NECTIN3: variants seen among roughly 807,000 people sequenced by gnomAD.
The protein encoded by NECTIN3 is nectin-3.
Under a neutral mutation model 49.4 loss-of-function variants are expected in NECTIN3, and 8 were observed. The observed-to-expected ratio is 0.16, with a 90% confidence interval of 0.10 to 0.29. The LOEUF is 0.29. NECTIN3 is among the 10% of genes least tolerant of loss of function. The pLI is 1.00. For missense variants in NECTIN3, 581 were observed against 654.6 expected (o/e 0.89, Z 1.23); for synonymous variants, 277 against 241.1 (o/e 1.15, Z -1.38).
rs182071409 is a variant in NECTIN3 at position 111,144,416 on chromosome 3, A to T, written c.1001-483A>T. On this transcript the variant is annotated intron_variant, in intron 5 of 8. Coordinates refer to the NECTIN3 transcript ENST00000493615. ...TATTTTTCAAATTTTACAGTGTCCA[A>T]TGTCAATTTTTTTTGATCTGGGATA... Among the ~76,000 whole-genome samples, 786 of 151,106 alleles carry T rather than the reference A, an allele frequency of 5.2e-3. 5 individuals carry two copies. The highest frequency in any genetic ancestry group is 0.011 in the Admixed American group (161 of 15,208).
At chr3:111,105,924 C>A (rs1048481731) in intron 1 of NECTIN3, among the ~76,000 whole-genome samples, 3 of 150,264 alleles carry the variant, frequency 2.0e-5, no homozygotes, top group African/African-American at 7.3e-5. Context: ...TCAAATCAAG[C>A]TTTTATTCTC....
At chr3:111,073,685 G>T (rs2030967043) in intron 1 of NECTIN3, among the ~76,000 whole-genome samples, 2 of 152,174 alleles carry the variant, frequency 1.3e-5, no homozygotes, top group South Asian at 4.1e-4. Flanking sequence ...AGTTGGAGGG[G>T]ACCTTACCAG....
At chr3:111,168,881 T>C (rs1381434201) in intron 7 of NECTIN3, among the ~76,000 whole-genome samples, 2 of 152,198 alleles carry the variant, frequency 1.3e-5, no homozygotes, top group African/African-American at 4.8e-5. Context: ...GATAGATCGT[T>C]AGATCTGCAT....
rs528314258 is a variant in NECTIN3, at chr3:111,093,238, C to T, written c.161-18792C>T. Among the ~76,000 whole-genome samples, 7 of 152,172 alleles carry T rather than the reference C, an allele frequency of 4.6e-5. No homozygotes were observed. The South Asian group carries it at 1.4e-3, about 32-fold the overall frequency. On this transcript the variant is annotated intron_variant, in intron 1 of 5. Coordinates refer to ENST00000485303, the MANE Select transcript of NECTIN3 (RefSeq NM_015480.3). Reference sequence around the variant, plus strand: ...TCTCCCAAGACAATGCAGCACTGTTCACATTAAAGGAGAAATACTTAAAGG... The same window carrying T: ...TCTCCCAAGACAATGCAGCACTGTTTACATTAAAGGAGAAATACTTAAAGG...
intron 5 of NECTIN3, among the ~76,000 whole-genome samples, chr3:111,132,184 C>T (rs1004074160): frequency 1.3e-5 from 2 of 151,828 alleles, no homozygotes; most frequent in South Asian, 2.1e-4. Context: ...TAAATTAAAA[C>T]TTCTTTGATT....
In NECTIN3 at chr3:111,095,653, C is replaced by T. The variant is rs138599037; in HGVS notation, c.161-16377C>T. Among the ~76,000 whole-genome samples, 1,044 of 152,248 alleles carry T rather than the reference C, an allele frequency of 6.9e-3. 13 individuals are homozygous for T. The highest frequency in any genetic ancestry group is 0.024 in the African/African-American group (990 of 41,524). Reference sequence around the variant, plus strand: ...ATTCCCATGTGTTGTGGGAGGGACCCTATGGGAGGTAATTGAATCATGGGG... The same window carrying T: ...ATTCCCATGTGTTGTGGGAGGGACCTTATGGGAGGTAATTGAATCATGGGG... On this transcript the variant is annotated intron_variant, in intron 1 of 5. Coordinates refer to ENST00000485303, the MANE Select transcript of NECTIN3 (RefSeq NM_015480.3).
intron 1 of NECTIN3, 97 bp from the exon 2 acceptor site, chr3:111,111,933 G>C: frequency 1.7e-6 from 1 of 581,446 alleles, no homozygotes; most frequent in East Asian, 3.1e-5. Context: ...GTGTGTGTGT[G>C]TAGCTAGAGA....
chr3:111,146,274 A>T (rs933844641), intron 6 of NECTIN3, among the ~76,000 whole-genome samples: 79 of 151,934 alleles, frequency 5.2e-4, no homozygotes, highest in African/African-American at 1.8e-3. Context: ...CTCTACTAAA[A>T]ATACAAAAAA....
chr3:111,171,835 C>T (rs1322053206), intron 7 of NECTIN3, among the ~76,000 whole-genome samples: 1 of 152,078 alleles, frequency 6.6e-6, no homozygotes, highest in Non-Finnish European at 1.5e-5. Flanking sequence ...CATTATCCAA[C>T]TTGCCCTGCT....
intron 3 of NECTIN3, among the ~76,000 whole-genome samples, chr3:111,121,574 T>C (rs912045933): frequency 1.3e-5 from 2 of 152,198 alleles, no homozygotes; most frequent in Non-Finnish European, 2.9e-5. Context: ...TATGTAGTCA[T>C]GGAAAGCCTG....
chr3:111,186,603 A>G (rs1475972026), intron 7 of NECTIN3, among the ~76,000 whole-genome samples: 3 of 152,204 alleles, frequency 2.0e-5, no homozygotes, highest in African/African-American at 4.8e-5. Context: ...GTGATGAAAT[A>G]ATCTGTACAT....
intron 7 of NECTIN3, among the ~76,000 whole-genome samples, chr3:111,183,365 G>A (rs2035661409): frequency 6.7e-6 from 1 of 150,122 alleles, no homozygotes; most frequent in Non-Finnish European, 1.5e-5. Context: ...AGGCTGGAGT[G>A]CAATGGCTTG....
intron 1 of NECTIN3, among the ~76,000 whole-genome samples, chr3:111,096,270 TGA>T (rs1168309455): frequency 7.9e-5 from 12 of 152,154 alleles, no homozygotes; most frequent in Non-Finnish European, 1.5e-4. Context: ...ACTTTGAAGC[TGA>T]GAGAGTTGAT....
At chr3:111,102,179 T>C (rs577100882) in intron 1 of NECTIN3, among the ~76,000 whole-genome samples, 1 of 152,086 alleles carries the variant, frequency 6.6e-6, no homozygotes, top group African/African-American at 2.4e-5. Flanking sequence ...ATAGAAATGG[T>C]GTATATAAAA....
chr3:111,143,730 T>C (rs1207998184), intron 5 of NECTIN3, among the ~76,000 whole-genome samples: 1 of 151,960 alleles, frequency 6.6e-6, no homozygotes, highest in Non-Finnish European at 1.5e-5. Context: ...GTCGGCGTTA[T>C]ATATGTTAAC....
intron 1 of NECTIN3, among the ~76,000 whole-genome samples, chr3:111,105,044 T>A (rs1227390349): frequency 1.3e-5 from 2 of 152,226 alleles, no homozygotes; most frequent in Non-Finnish European, 2.9e-5. Context: ...TCAGCAAATT[T>A]TACAGTTCTA....
chr3:111,088,075 T>A (rs557671774), intron 1 of NECTIN3, among the ~76,000 whole-genome samples: 1 of 152,240 alleles, frequency 6.6e-6, no homozygotes, highest in African/African-American at 2.4e-5. Context: ...TGAAATTTGA[T>A]CCTCAGGGTT....
downstream of NECTIN3, among the ~76,000 whole-genome samples, chr3:111,138,432 T>A (rs2034652325): frequency 1.3e-5 from 2 of 151,716 alleles, no homozygotes; most frequent in East Asian, 3.9e-4. Context: ...TTTCTGGGTT[T>A]TTTTTCTGTT....
downstream of NECTIN3, among the ~76,000 whole-genome samples, chr3:111,142,323 A>G (rs1341112224): frequency 1.3e-5 from 2 of 151,826 alleles, no homozygotes; most frequent in East Asian, 3.9e-4. Context: ...TTTTTCCTCC[A>G]TTTGCTCATT....
Sources: allele counts gnomAD v4.1 joint callset (sites outside exome capture counted in the v4.1 genomes callset), GRCh38; gene constraint gnomAD v4.1.1; transcripts MANE v1.5; gene names NCBI Gene and HGNC (gene_info 2026-07-23, HGNC 2026-07-21).